The following SNTG1 variants were observed in gnomAD, a reference collection of about 807,000 sequenced individuals.
The protein encoded by SNTG1 is syntrophin gamma 1.
A neutral mutation model predicts 74.7 loss-of-function variants in SNTG1; 39 were observed. The observed-to-expected ratio is 0.52, with a 90% confidence interval of 0.40 to 0.68. SNTG1 has a LOEUF of 0.68. Ranked by LOEUF, SNTG1 falls within the 30% of genes least tolerant of loss-of-function variation. The pLI, the probability that SNTG1 is intolerant of heterozygous loss-of-function variation, is 0.00. For synonymous variants in SNTG1, 254 were observed against 217.1 expected (o/e 1.17, Z -1.49); for missense variants, 685 against 609.5 (o/e 1.12, Z -1.30).
At chr8:50,530,413 C>A (rs1309974953) in intron 10 of SNTG1, among the ~76,000 whole-genome samples, 154 bp downstream of exon 10, 1 of 150,000 alleles carries the variant, frequency 6.7e-6, no homozygotes, top group Non-Finnish European at 1.5e-5. Flanking sequence ...ATAAATAGAT[C>A]AGGTTTCTTA....
intron 11 of SNTG1, among the ~76,000 whole-genome samples, chr8:50,547,965 A>T (rs1042259293): frequency 6.6e-6 from 1 of 152,192 alleles, no homozygotes; most frequent in African/African-American, 2.4e-5. Flanking sequence ...AGGATTAGCC[A>T]GGAAGAGATA....
At chr8:49,966,560 A>G (rs1811161073) in intron 1 of SNTG1, among the ~76,000 whole-genome samples, 1 of 151,876 alleles carries the variant, frequency 6.6e-6, no homozygotes, top group Non-Finnish European at 1.5e-5. Flanking sequence ...ACATCTGGCT[A>G]ATTTTTGTAT....
At chr8:50,364,866 T>A (rs957993903) in intron 2 of SNTG1, among the ~76,000 whole-genome samples, 3 of 152,116 alleles carry the variant, frequency 2.0e-5, no homozygotes, top group Non-Finnish European at 4.4e-5. Context: ...TTAATAGTAA[T>A]TATGTGTTTT....
intron 15 of SNTG1, among the ~76,000 whole-genome samples, chr8:50,694,756 G>A (rs1298833257): frequency 6.6e-6 from 1 of 151,898 alleles, no homozygotes; most frequent in Non-Finnish European, 1.5e-5. Flanking sequence ...TTTATCCCTG[G>A]AATGCAAAGA....
chr8:50,552,075 T>A (rs1209620225), intron 11 of SNTG1, among the ~76,000 whole-genome samples: 3 of 152,214 alleles, frequency 2.0e-5, no homozygotes, highest in Non-Finnish European at 4.4e-5. Flanking sequence ...TTACACATTT[T>A]ACATAGCATT....
intron 1 of SNTG1, among the ~76,000 whole-genome samples, chr8:49,977,310 C>T (rs2130070981): frequency 6.6e-6 from 1 of 151,928 alleles, no homozygotes; most frequent in African/African-American, 2.4e-5. Context: ...ACAGACAAAG[C>T]AATTCAGAAA....
chr8:50,116,112 C>T (rs2080812039), intron 1 of SNTG1, among the ~76,000 whole-genome samples: 1 of 152,054 alleles, frequency 6.6e-6, no homozygotes, highest in African/African-American at 2.4e-5. Context: ...AAAATGTGCA[C>T]CATTTTTATT....
chr8:50,151,377 G>C (rs1408904993), intron 1 of SNTG1, among the ~76,000 whole-genome samples: 1 of 152,008 alleles, frequency 6.6e-6, no homozygotes, highest in African/African-American at 2.4e-5. Flanking sequence ...CGGTTTCACT[G>C]ATTTTTTTAA....
intron 17 of SNTG1, among the ~76,000 whole-genome samples, chr8:50,737,055 CTCAAA>C (rs2095530697): frequency 3.3e-5 from 5 of 151,830 alleles, no homozygotes; most frequent in Admixed American, 3.3e-4. Context: ...CAAGAAAAAA[CTCAAA>C]TCAGAGCAGA....
chr8:50,094,537 C>T (rs1586242643), intron 1 of SNTG1, among the ~76,000 whole-genome samples: 1 of 152,046 alleles, frequency 6.6e-6, no homozygotes, highest in Non-Finnish European at 1.5e-5. Context: ...TGAACAGATA[C>T]TTCTCAAAAG....
intron 2 of SNTG1, among the ~76,000 whole-genome samples, chr8:50,279,159 C>A (rs2088291493): frequency 6.6e-6 from 1 of 152,020 alleles, no homozygotes; most frequent in Non-Finnish European, 1.5e-5. Context: ...AAATAATTTA[C>A]AATCTAATTG....
intron 13 of SNTG1, among the ~76,000 whole-genome samples, chr8:50,623,116 C>T (rs566787576): frequency 6.6e-6 from 1 of 152,070 alleles, no homozygotes; most frequent in Admixed American, 6.5e-5. Flanking sequence ...ATCATCTTTT[C>T]TATGAAGAGA....
At chr8:50,452,957 C>T (rs2093470620) in intron 8 of SNTG1, among the ~76,000 whole-genome samples, 1 of 152,156 alleles carries the variant, frequency 6.6e-6, no homozygotes, top group Non-Finnish European at 1.5e-5. Context: ...TGATGTACCA[C>T]ATTTCTTATT....
intron 17 of SNTG1, among the ~76,000 whole-genome samples, chr8:50,741,940 A>G (rs1712613110): frequency 6.6e-6 from 1 of 152,016 alleles, no homozygotes; most frequent in African/African-American, 2.4e-5. Context: ...GTAATGGTAG[A>G]TAAATGTTAT....
At chr8:49,998,283 A>G (rs770401410) in intron 1 of SNTG1, among the ~76,000 whole-genome samples, 1 of 152,164 alleles carries the variant, frequency 6.6e-6, no homozygotes, top group African/African-American at 2.4e-5. Context: ...GTGGTGACTG[A>G]ATGTGAAGGC....
Position 50,792,976 on chromosome 8 carries a change from A to G in SNTG1, c.*147A>G, listed in dbSNP as rs866405654. 3.4e-5 allele frequency: 25 copies of G among 728,706 alleles called. No homozygotes were observed. Among genetic ancestry groups the G allele is most frequent in the African/African-American group, 3.1e-4 (17 of 55,594 alleles). The allele number at this position is 728,706 out of a possible 1,614,324, so 45.1% of individuals were successfully genotyped here. ...CGGCAGAAAAAGAAGGTCATGTGGA[A>G]CCTCAAAAACACTTCTATTCTGGAT... is the stretch of plus-strand genomic sequence containing the variant. On this transcript the variant is annotated 3_prime_UTR_variant, in exon 19 of 19. Transcript: ENST00000642720.
chr8:50,744,861 A>C (rs1251199860), intron 17 of SNTG1, among the ~76,000 whole-genome samples: 1 of 152,008 alleles, frequency 6.6e-6, no homozygotes, highest in African/African-American at 2.4e-5. Flanking sequence ...CAAAAGGATA[A>C]AGTTAGACCC....
chr8:50,412,014 G>T (rs1435082694), intron 4 of SNTG1, among the ~76,000 whole-genome samples: 2 of 152,060 alleles, frequency 1.3e-5, no homozygotes, highest in African/African-American at 4.8e-5. Context: ...TTATTTGAAG[G>T]CTCCTCCAAA....
chr8:50,673,398 T>C (rs1455789095), intron 15 of SNTG1, among the ~76,000 whole-genome samples: 3 of 152,130 alleles, frequency 2.0e-5, no homozygotes, highest in Non-Finnish European at 4.4e-5. Context: ...TTCACATCCC[T>C]GTTAGCTGTA....
Sources: gnomAD v4.1 joint callset for allele counts (sites outside exome capture counted in the v4.1 genomes callset) on GRCh38, gnomAD v4.1.1 for gene constraint, MANE v1.5 for transcripts, NCBI Gene and HGNC (gene_info 2026-07-23, HGNC 2026-07-21) for gene names.